Variants in RICTOR observed in about 807,000 individuals in gnomAD.
RICTOR encodes RPTOR independent companion of MTOR complex 2, also known as rapamycin-insensitive companion of mTOR.
RICTOR carries 49 observed loss-of-function variants against 214.9 expected under a neutral mutation model. The ratio of observed to expected loss-of-function variants is 0.23; its 90% CI spans 0.18 to 0.29. RICTOR has a LOEUF of 0.29. RICTOR is among the 10% of genes least tolerant of loss of function. RICTOR has a pLI of 1.00. For synonymous variants in RICTOR, 717 were observed against 711.3 expected (o/e 1.01, Z -0.13); for missense variants, 1,625 against 2,047.0 (o/e 0.79, Z 3.98).
At chr5:39,036,896 T>C (rs1289571560) in intron 2 of RICTOR, among the ~76,000 whole-genome samples, 2 of 152,082 alleles carry the variant, frequency 1.3e-5, no homozygotes, top group East Asian at 1.9e-4. Context: ...CTGTCAACAT[T>C]AGACAGATCA....
In RICTOR at chr5:38,993,909, G is replaced by A. The variant is rs559457005; in HGVS notation, c.457-2834C>T. Among the ~76,000 whole-genome samples, 15 of 152,228 alleles carry A rather than the reference G, an allele frequency of 9.9e-5. No individual in the cohort carries two copies. In the East Asian group the frequency reaches 1.7e-3, roughly 18 times the overall value. On this transcript the variant is annotated intron_variant, in intron 6 of 37. Transcript: ENST00000357387. Reference sequence around the variant, plus strand: ...AAATATTATACAAAATTGGCCAGGCGCGGTGGCTCACGCCTGTAATCCCAG... The same window carrying A: ...AAATATTATACAAAATTGGCCAGGCACGGTGGCTCACGCCTGTAATCCCAG...
At chr5:38,953,144 A>AT in intron 28 of RICTOR, 53 bp from the exon 29 acceptor site, 2 of 1,279,820 alleles carry the variant, frequency 1.6e-6, no homozygotes, top group Non-Finnish European at 2.2e-6. Flanking sequence ...CTTTCAAAAG[A>AT]TTTGGAAAGC....
chr5:38,967,144 A>C lies in RICTOR; in HGVS notation c.1218+17T>G. The C allele has an allele frequency of 4.6e-6, 7 of 1,537,484 alleles. No homozygotes were observed. The highest frequency in any genetic ancestry group is 6.3e-6 in the Non-Finnish European group (7 of 1,111,922). ...AAAATAAACAAAATGGAATAAAATA[A>C]GGTTTATAAGTCTTACCTCTAAAAG... On this transcript the variant is annotated intron_variant, in intron 14 of 37. Transcript: ENST00000357387.
At chr5:38,963,105 G>T in intron 16 of RICTOR, 64 bp from the exon 17 acceptor site, 2 of 1,115,756 alleles carry the variant, frequency 1.8e-6, no homozygotes, top group Non-Finnish European at 2.5e-6. Flanking sequence ...AGATTACCTT[G>T]GTAAATTATT....
intron 2 of RICTOR, among the ~76,000 whole-genome samples, chr5:39,024,472 T>C (rs1755659498): frequency 6.6e-6 from 1 of 152,176 alleles, no homozygotes; most frequent in African/African-American, 2.4e-5. Context: ...GGAGAATAAT[T>C]ATAAGCAAGT....
At chr5:38,956,601 C>G (rs1749285855) in intron 25 of RICTOR, among the ~76,000 whole-genome samples, 1 of 152,060 alleles carries the variant, frequency 6.6e-6, no homozygotes, top group South Asian at 2.1e-4. Flanking sequence ...TCTACGGCTC[C>G]TATTCAACAT....
At chr5:39,024,167 C>T (rs911293840) in intron 2 of RICTOR, among the ~76,000 whole-genome samples, 4 of 152,294 alleles carry the variant, frequency 2.6e-5, no homozygotes, top group Admixed American at 2.6e-4. Context: ...GCTGATCTAA[C>T]AGGAGGTGGA....
chr5:38,999,573 AG>A, intron 5 of RICTOR, among the ~76,000 whole-genome samples: 1 of 152,142 alleles, frequency 6.6e-6, no homozygotes, highest in Non-Finnish European at 1.5e-5. Context: ...AAGACTTCAT[AG>A]CCAAGACACG....
chr5:38,974,025 A>T (rs1579964402), intron 10 of RICTOR, among the ~76,000 whole-genome samples: 2 of 152,268 alleles, frequency 1.3e-5, no homozygotes, highest in East Asian at 3.9e-4. Flanking sequence ...TTCAATAGAA[A>T]GGTAGAAGAC....
chr5:39,001,327 G>A (rs769299947), intron 5 of RICTOR, among the ~76,000 whole-genome samples: 1 of 152,006 alleles, frequency 6.6e-6, no homozygotes, highest in Non-Finnish European at 1.5e-5. Flanking sequence ...AAATCTAGAC[G>A]TGAAACGAAA....
chr5:39,015,685 T>C (rs952845702), intron 3 of RICTOR, among the ~76,000 whole-genome samples: 3 of 152,072 alleles, frequency 2.0e-5, no homozygotes, highest in South Asian at 4.2e-4. Context: ...AGTAATAGTT[T>C]ACCAACTGAC....
intron 2 of RICTOR, among the ~76,000 whole-genome samples, chr5:39,029,233 T>C (rs1206929422): frequency 6.6e-6 from 1 of 152,102 alleles, no homozygotes; most frequent in Non-Finnish European, 1.5e-5. Flanking sequence ...TAATTACAGC[T>C]CAACAAAGAT....
At chr5:38,958,044 T>C (rs747916940) in intron 24 of RICTOR, among the ~76,000 whole-genome samples, 23 of 152,182 alleles carry the variant, frequency 1.5e-4, no homozygotes, top group Non-Finnish European at 2.2e-4. Flanking sequence ...AAGACCAGCC[T>C]GGCCAACATG....
chr5:38,964,810 A>G lies in RICTOR; in HGVS notation c.1382T>C (p.Ile461Thr), dbSNP rs779187965. The change falls in exon 16 of 38, where the codon ATC becomes ACC. Residue 461 changes from isoleucine to threonine, a missense_variant. Coordinates refer to ENST00000357387, the MANE Select transcript of RICTOR (RefSeq NM_152756.5). ...TACTTACAGTCTCTTTTCCTTGGGG[A>G]TATCAAAGGATGCAGCCATATTCAT... is the stretch of plus-strand genomic sequence containing the variant. The part of the protein sequence containing the change: ...TLMNMAASFD[I>T]PKEKRLRASA... The G allele has an allele frequency of 6.3e-7, 1 of 1,586,098 alleles. No homozygotes were observed. The highest frequency in any genetic ancestry group is 8.6e-7 in the Non-Finnish European group (1 of 1,158,052).
intron 3 of RICTOR, among the ~76,000 whole-genome samples, chr5:39,016,061 G>C (rs1754915301): frequency 6.6e-6 from 1 of 152,114 alleles, no homozygotes; most frequent in Non-Finnish European, 1.5e-5. Context: ...CTAAGATCCT[G>C]ACTCAGGGCG....
intron 2 of RICTOR, among the ~76,000 whole-genome samples, chr5:39,042,745 C>T (rs945285815): frequency 3.9e-5 from 6 of 152,182 alleles, no homozygotes; most frequent in African/African-American, 9.7e-5. Flanking sequence ...CAAACAGTAA[C>T]CACACTCAAA....
chr5:39,014,307 A>G (rs559042276), intron 3 of RICTOR, among the ~76,000 whole-genome samples: 27 of 152,256 alleles, frequency 1.8e-4, no homozygotes, highest in African/African-American at 6.0e-4. Flanking sequence ...GCTCATTTAA[A>G]TCTCACAATT....
rs1747565989 is a variant in RICTOR, at chr5:38,941,476, A to G, written c.*828T>C. On this transcript the variant is annotated 3_prime_UTR_variant, in exon 38 of 38. Coordinates refer to ENST00000357387, the MANE Select transcript of RICTOR (RefSeq NM_152756.5). ...AGTGCTTGTTCAAGTTCCTGTTTAA[A>G]GCGATGAGATGGAAAGTTGATGAAA... 4.3e-6 allele frequency: 1 copy of G among 231,650 alleles called. No individual in the cohort carries two copies. The highest frequency in any genetic ancestry group is 1.8e-4 in the South Asian group (1 of 5,516). The allele number at this position is 231,650 out of a possible 1,614,324, so 14.3% of individuals were successfully genotyped here.
chr5:38,958,660 C>T lies in RICTOR; in HGVS notation c.2343+7G>A. 6.3e-7 allele frequency: 1 copy of T among 1,589,050 alleles called. No individual in the cohort carries two copies. Among genetic ancestry groups the T allele is most frequent in the Non-Finnish European group, 8.5e-7 (1 of 1,169,644 alleles). The stretch of plus-strand genomic sequence containing the variant: ...TAAGTATTAAATTATAAAAAATGAA[C>T]CTTTACCTTGTCTTCACATGCTTCA... On this transcript the variant is annotated splice_region_variant and intron_variant, in intron 23 of 37. Transcript: ENST00000357387.
Sources: gnomAD v4.1 joint callset for allele counts (sites outside exome capture counted in the v4.1 genomes callset) on GRCh38, gnomAD v4.1.1 for gene constraint, MANE v1.5 for transcripts, NCBI Gene and HGNC (gene_info 2026-07-23, HGNC 2026-07-21) for gene names.